EDEM3: variants seen among roughly 807,000 people sequenced by gnomAD.
EDEM3 encodes ER degradation-enhancing alpha-mannosidase-like protein 3.
EDEM3 carries 60 observed loss-of-function variants against 110.2 expected under a neutral mutation model. The observed-to-expected ratio is 0.54, with a 90% CI of 0.44 to 0.67. EDEM3 has a LOEUF of 0.67. EDEM3 is among the 30% of genes least tolerant of loss of function. The probability of loss-of-function intolerance (pLI) is 0.00; values close to 1 mark genes in which losing one functional copy is unlikely to be tolerated. For missense variants in EDEM3, 996 were observed against 1,121.0 expected (o/e 0.89, Z 1.59); for synonymous variants, 352 against 382.9 (o/e 0.92, Z 0.94).
intron 6 of EDEM3, among the ~76,000 whole-genome samples, chr1:184,727,847 A>C (rs1408256475): frequency 6.6e-6 from 1 of 152,184 alleles, no homozygotes; most frequent in African/African-American, 2.4e-5. Flanking sequence ...CACCACAAAC[A>C]AGAATGAAAA....
intron 2 of EDEM3, among the ~76,000 whole-genome samples, chr1:184,741,862 C>T (rs1652161334): frequency 6.6e-6 from 1 of 151,978 alleles, no homozygotes; most frequent in African/African-American, 2.4e-5. Context: ...GTTTTTTTTC[C>T]TTCAGAAGTT....
rs367888852 is a variant in EDEM3 at position 184,710,379 on chromosome 1, G to C, written c.1845+15C>G. ...AGGGCAGAGACGGTATCTAATTAGT[G>C]TAGCAATGTCTTACTTGGATTGCAT... On this transcript the variant is annotated intron_variant, in intron 16 of 19. Coordinates refer to ENST00000318130, the MANE Select transcript of EDEM3 (RefSeq NM_025191.4). 2.5e-6 allele frequency: 4 copies of C among 1,612,444 alleles called. No homozygotes were observed. The African/African-American group carries it at 5.3e-5, about 22-fold the overall frequency.
At chr1:184,717,113 C>A (rs1340990795) in intron 12 of EDEM3, 101 bp from the exon 13 acceptor site, 12 of 952,410 alleles carry the variant, frequency 1.3e-5, no homozygotes, top group Non-Finnish European at 1.8e-5. Context: ...AGGTGCCAGG[C>A]ACTGTATCAG....
At position 184,690,670 on chromosome 1, in the gene EDEM3, T is replaced by C. The variant is rs1649024137; in HGVS notation, c.*3393A>G. The C allele has an allele frequency of 6.6e-6, 1 of 152,592 alleles. No individual in the cohort carries two copies. The highest frequency in any genetic ancestry group is 1.5e-5 in the Non-Finnish European group (1 of 68,014). 9.5% of individuals were successfully genotyped at this position (152,592 alleles called of 1,614,324 possible). A position where few individuals can be genotyped will look rare whatever the true frequency, so the allele number is the denominator to read the frequency against. On this transcript the variant is annotated 3_prime_UTR_variant, in exon 20 of 20. Transcript: ENST00000318130. Reference sequence around the variant, plus strand: ...ACCAAACAATAAAATCCAACAACAGTAGTGTTACAGCACCTGTTAGTACAG... The same window carrying C: ...ACCAAACAATAAAATCCAACAACAGCAGTGTTACAGCACCTGTTAGTACAG...
Position 184,734,625 on chromosome 1 carries a change from CT to C in EDEM3, c.363del (p.Glu122AsnfsTer6). 2 of 1,488,850 alleles carry C rather than the reference CT, an allele frequency of 1.3e-6. No individual in the cohort carries two copies. The highest frequency in any genetic ancestry group is 1.8e-6 in the Non-Finnish European group (2 of 1,094,314). 92.2% of individuals were successfully genotyped at this position (1,488,850 alleles called of 1,614,324 possible). A position where few individuals can be genotyped will look rare whatever the true frequency, so the allele number is the denominator to read the frequency against. On this transcript the variant is annotated frameshift_variant, in exon 5 of 20. Transcript: ENST00000318130. LOFTEE classifies it high-confidence loss of function. ...LDTLVVLNKT[K>X]EFEDAVRKVL... ...ACTTTTCTCACTGCATCTTCAAATT[CT>C]TTAGTTTTATTTAAAACCTGGGAGA...
chr1:184,736,907 A>T, intron 4 of EDEM3, 118 bp downstream of exon 4: 1 of 804,782 alleles, frequency 1.2e-6, no homozygotes, highest in South Asian at 1.8e-5. Context: ...AGAAGCAAAG[A>T]TCAGAACATC....
At position 184,699,317 on chromosome 1, in the gene EDEM3, C is replaced by A. The variant is rs114163405; in HGVS notation, c.2389+3494G>T. 6.8e-3 allele frequency among the ~76,000 whole-genome samples: 1,027 copies of A among 151,634 alleles called. 18 individuals carry two copies. The highest frequency in any genetic ancestry group is 0.024 in the African/African-American group (994 of 41,418). The stretch of plus-strand genomic sequence containing the variant: ...TTAAAAGGACACCCTTAAATTTTAC[C>A]TAGGAGGTGGCATTTGAAATTTAGG... On this transcript the variant is annotated intron_variant, in intron 19 of 19. Transcript: ENST00000318130.
rs549069169 is a variant in EDEM3, at chr1:184,726,240, C to G, written c.747+15G>C. On this transcript the variant is annotated intron_variant, in intron 7 of 19. Transcript: ENST00000318130. ...TGCCCAATACCCAGGATATCAAAGACCGTAAAAAGCAAACCTCAAATATTG... is the reference window on the plus strand; with the variant it reads ...TGCCCAATACCCAGGATATCAAAGAGCGTAAAAAGCAAACCTCAAATATTG... 8 of 1,611,332 alleles carry G rather than the reference C, an allele frequency of 5.0e-6. No homozygotes were observed. The South Asian group carries it at 8.8e-5, about 18-fold the overall frequency.
intron 13 of EDEM3, among the ~76,000 whole-genome samples, chr1:184,712,800 T>A (rs922678517): frequency 2.0e-5 from 3 of 152,212 alleles, no homozygotes; most frequent in African/African-American, 7.2e-5. Context: ...CCAGAGGAGT[T>A]GTCTACCACA....
intron 8 of EDEM3, 37 bp from the exon 9 acceptor site, chr1:184,721,423 T>G (rs755892869): frequency 6.6e-7 from 1 of 1,524,880 alleles, no homozygotes; most frequent in Admixed American, 2.2e-5. Flanking sequence ...ATTAAATTTT[T>G]TTAAAACCGT....
intron 6 of EDEM3, among the ~76,000 whole-genome samples, chr1:184,732,464 G>C (rs1005961836): frequency 6.6e-6 from 1 of 152,112 alleles, no homozygotes; most frequent in South Asian, 2.1e-4. Flanking sequence ...AACTAAAAGA[G>C]TATAATTGGA....
In EDEM3 at chr1:184,693,852, A is replaced by G. The variant is rs1187733590; in HGVS notation, c.*211T>C. 1 of 519,726 alleles carries G rather than the reference A, an allele frequency of 1.9e-6. No homozygotes were observed. The highest frequency in any genetic ancestry group is 3.3e-5 in the Admixed American group (1 of 30,392). The allele number at this position is 519,726 out of a possible 1,614,324, so 32.2% of individuals were successfully genotyped here. A position where few individuals can be genotyped will look rare whatever the true frequency, so the allele number is the denominator to read the frequency against. ...GCTGCATTTGAAGGGGGAACTGTGG[A>G]TTTCCATTTTTGATGGGACAGTTTT... is the stretch of plus-strand genomic sequence containing the variant. On this transcript the variant is annotated 3_prime_UTR_variant, in exon 20 of 20. Transcript: ENST00000318130.
rs114636195 is a variant in EDEM3 at position 184,710,378 on chromosome 1, T to G, written c.1845+16A>C. On this transcript the variant is annotated intron_variant, in intron 16 of 19. Transcript: ENST00000318130. ...CAGGGCAGAGACGGTATCTAATTAG[T>G]GTAGCAATGTCTTACTTGGATTGCA... is the stretch of plus-strand genomic sequence containing the variant. The G allele has an allele frequency of 3.1e-6, 5 of 1,612,520 alleles. No individual in the cohort carries two copies. The highest frequency in any genetic ancestry group is 1.7e-5 in the Admixed American group (1 of 59,906).
chr1:184,714,003 G>A, intron 13 of EDEM3, among the ~76,000 whole-genome samples: 1 of 152,142 alleles, frequency 6.6e-6, no homozygotes, highest in East Asian at 1.9e-4. Flanking sequence ...TAGCCATTTT[G>A]GATATTAATC....
chr1:184,750,809 G>A (rs527682163), intron 1 of EDEM3, among the ~76,000 whole-genome samples: 1 of 152,138 alleles, frequency 6.6e-6, no homozygotes, highest in East Asian at 1.9e-4. Context: ...TACCACGCCC[G>A]GCCTATTAAC....
intron 17 of EDEM3, among the ~76,000 whole-genome samples, chr1:184,707,560 G>A (rs1474383562): frequency 1.3e-5 from 2 of 152,214 alleles, no homozygotes; most frequent in Non-Finnish European, 2.9e-5. Flanking sequence ...CAGTAATAGA[G>A]TGAAAAGAGC....
intron 18 of EDEM3, among the ~76,000 whole-genome samples, chr1:184,704,003 C>T (rs926909331): frequency 1.3e-5 from 2 of 152,108 alleles, no homozygotes; most frequent in Admixed American, 6.6e-5. Flanking sequence ...AAGAAAAGTT[C>T]AGAAGGACCC....
chr1:184,754,463 C>T (rs1652976593), intron 1 of EDEM3, 26 bp downstream of exon 1: 1 of 1,612,870 alleles, frequency 6.2e-7, no homozygotes, highest in East Asian at 2.2e-5. Flanking sequence ...ACCGAGAAAC[C>T]CACCCCAGGC....
At chr1:184,706,936 T>C (rs1649964740) in intron 17 of EDEM3, 128 bp from the exon 18 acceptor site, 2 of 920,566 alleles carry the variant, frequency 2.2e-6, no homozygotes, top group Non-Finnish European at 3.1e-6. Flanking sequence ...GTATCTAACA[T>C]ATAGTCACCA....
Sources: gnomAD v4.1 joint callset for allele counts (sites outside exome capture counted in the v4.1 genomes callset) on GRCh38, gnomAD v4.1.1 for gene constraint, MANE v1.5 for transcripts, NCBI Gene and HGNC (gene_info 2026-07-23, HGNC 2026-07-21) for gene names.